The following CDC37L1 variants were observed in gnomAD, a reference collection of about 807,000 sequenced individuals.
The protein encoded by CDC37L1 is cell division cycle 37 like 1, HSP90 cochaperone.
Under a neutral mutation model 45.9 loss-of-function variants are expected in CDC37L1, and 32 were observed. That is an observed-to-expected ratio of 0.70 (90% CI 0.53 to 0.94). The LOEUF is 0.94. CDC37L1 is among the 40% of genes least tolerant of loss of function. The probability of loss-of-function intolerance (pLI) is 0.00; values close to 1 mark genes in which losing one functional copy is unlikely to be tolerated. For missense variants in CDC37L1, 434 were observed against 405.7 expected, an observed-to-expected ratio of 1.07 and a Z score of -0.60; for synonymous variants, 150 against 133.0, an observed-to-expected ratio of 1.13 and a Z score of -0.88.
In CDC37L1 at chr9:4,679,733, GC is replaced by G; in HGVS notation, c.-33del. On this transcript the variant is annotated 5_prime_UTR_variant, in exon 1 of 7. Transcript: ENST00000381854. ...GTCTGTTGGCAGTGGCAGTTGTAGG[GC>G]CAAGGGCGGTTGTAGGACCCGGAGC... is the stretch of plus-strand genomic sequence containing the variant. 6.3e-7 allele frequency: 1 copy of G among 1,595,792 alleles called. No individual in the cohort carries two copies. Among genetic ancestry groups the G allele is most frequent in the South Asian group, 1.1e-5 (1 of 89,480 alleles).
Position 4,679,762 on chromosome 9 carries a change from C to G in CDC37L1, c.-6C>G, listed in dbSNP as rs1841168571. 6.2e-7 allele frequency: 1 copy of G among 1,609,890 alleles called. No homozygotes were observed. Among genetic ancestry groups the G allele is most frequent in the Non-Finnish European group, 8.5e-7 (1 of 1,177,776 alleles). On this transcript the variant is annotated 5_prime_UTR_variant, in exon 1 of 7. Coordinates refer to ENST00000381854, the MANE Select transcript of CDC37L1 (RefSeq NM_017913.4). ...AGGGCGGTTGTAGGACCCGGAGCAG[C>G]CGGACATGGAACAACCGTGGCCGCC...
chr9:4,703,357 A>G (rs1474812154), intron 6 of CDC37L1: 16 of 112,020 alleles, frequency 1.4e-4, no homozygotes, highest in African/African-American at 2.5e-4. Context: ...ACTCTGGCTG[A>G]AAAAAAAAAA....
rs973919480 is a variant in CDC37L1, at chr9:4,707,601, G to C, written c.*1489G>C. ...AACATCACAATCTTCCTGGTTTTCAGAATAAACGTTTTTGTGCTTTTGATA... is the reference window on the plus strand; with the variant it reads ...AACATCACAATCTTCCTGGTTTTCACAATAAACGTTTTTGTGCTTTTGATA... On this transcript the variant is annotated 3_prime_UTR_variant, in exon 7 of 7. Transcript: ENST00000381854. 1 of 151,850 alleles carries C rather than the reference G, an allele frequency of 6.6e-6. No individual in the cohort carries two copies. The highest frequency in any genetic ancestry group is 2.4e-5 in the African/African-American group (1 of 41,362). 9.4% of individuals were successfully genotyped at this position (151,850 alleles called of 1,614,324 possible).
At chr9:4,690,399 T>C (rs76591273) in intron 3 of CDC37L1, among the ~76,000 whole-genome samples, 7,494 of 152,226 alleles carry the variant, frequency 0.049, 269 homozygotes, top group Non-Finnish European at 0.076. Context: ...ATCTCTGCAG[T>C]GCATTGTGCC....
chr9:4,681,992 C>G lies in CDC37L1; in HGVS notation c.132+2093C>G, dbSNP rs368952194. Among the ~76,000 whole-genome samples the G allele has an allele frequency of 3.9e-5, 6 of 152,136 alleles. No individual in the cohort carries two copies. In the South Asian group the frequency reaches 6.2e-4, roughly 16 times the overall value. The stretch of plus-strand genomic sequence containing the variant: ...CTGAATACATGTTGGATAGTTTGCC[C>G]AAATGGCCAAATGTTGTCTGGGTAG... On this transcript the variant is annotated intron_variant, in intron 1 of 6. Transcript: ENST00000381854.
intron 1 of CDC37L1, among the ~76,000 whole-genome samples, chr9:4,684,579 T>G (rs1292535140): frequency 6.6e-6 from 1 of 152,178 alleles, no homozygotes; most frequent in Non-Finnish European, 1.5e-5. Context: ...TGTTCAGGAT[T>G]ATGAAGACTA....
At chr9:4,699,602 A>G (rs573194285) in intron 5 of CDC37L1, among the ~76,000 whole-genome samples, 7 of 152,182 alleles carry the variant, frequency 4.6e-5, no homozygotes, top group Non-Finnish European at 7.4e-5. Flanking sequence ...AGTGACAGGC[A>G]GAACTAAATA....
chr9:4,703,192 T>G (rs1211202361), intron 6 of CDC37L1: 9 of 1,357,982 alleles, frequency 6.6e-6, no homozygotes, highest in Non-Finnish European at 5.8e-6. Context: ...ATATTTAGTT[T>G]TAAACCTCAT....
At chr9:4,690,928 T>G (rs2130847478) in intron 3 of CDC37L1, among the ~76,000 whole-genome samples, 1 of 152,354 alleles carries the variant, frequency 6.6e-6, no homozygotes, top group East Asian at 1.9e-4. Flanking sequence ...CTGCAATTTC[T>G]GCTTTACCAA....
At chr9:4,686,192 A>C (rs899730457) in intron 2 of CDC37L1, among the ~76,000 whole-genome samples, 12 of 152,164 alleles carry the variant, frequency 7.9e-5, no homozygotes, top group African/African-American at 2.4e-4. Flanking sequence ...TCCTCTTGGC[A>C]TCTGCTTTCA....
intron 1 of CDC37L1, 79 bp downstream of exon 1, chr9:4,679,978 C>CTCT: frequency 6.5e-7 from 1 of 1,544,474 alleles, no homozygotes; most frequent in Non-Finnish European, 8.8e-7. Flanking sequence ...CTCCCAGACC[C>CTCT]TCTTCTACGC....
chr9:4,684,733 A>G (rs1654017756), intron 1 of CDC37L1, 144 bp from the exon 2 acceptor site: 3 of 577,898 alleles, frequency 5.2e-6, no homozygotes, highest in Non-Finnish European at 9.1e-6. Flanking sequence ...ACTAAGATAT[A>G]AAAACATGAC....
At chr9:4,696,704 C>T (rs1841350951) in intron 3 of CDC37L1, among the ~76,000 whole-genome samples, 1 of 152,236 alleles carries the variant, frequency 6.6e-6, no homozygotes, top group African/African-American at 2.4e-5. Context: ...TTCAAATATG[C>T]TTAACTAATT....
chr9:4,688,756 A>AG (rs1841274112), intron 3 of CDC37L1, 150 bp downstream of exon 3: 2 of 485,008 alleles, frequency 4.1e-6, no homozygotes, highest in African/African-American at 4.4e-5. Context: ...CTTGTTTTAG[A>AG]ATTTTTTTTT....
chr9:4,689,064 C>T (rs1018814605), intron 3 of CDC37L1, among the ~76,000 whole-genome samples: 11 of 151,978 alleles, frequency 7.2e-5, no homozygotes, highest in African/African-American at 2.7e-4. Flanking sequence ...ATATAAAGAA[C>T]TGAAAAATAG....
At chr9:4,691,164 T>G (rs956976279) in intron 3 of CDC37L1, among the ~76,000 whole-genome samples, 4 of 152,208 alleles carry the variant, frequency 2.6e-5, no homozygotes, top group African/African-American at 9.7e-5. Flanking sequence ...ATTTTGTTTT[T>G]TTGTTGTTGT....
rs1841167017 is a variant in CDC37L1, at chr9:4,679,673, T to C, written c.-95T>C. On this transcript the variant is annotated 5_prime_UTR_variant, in exon 1 of 7. Transcript: ENST00000381854. ...TAACGGCCCGGACCCCCGGCTGGGCTTCTGGCTCGGCGCAGCAGGTTCCAT... is the reference window on the plus strand; with the variant it reads ...TAACGGCCCGGACCCCCGGCTGGGCCTCTGGCTCGGCGCAGCAGGTTCCAT... 1.7e-6 allele frequency: 2 copies of C among 1,211,814 alleles called. No individual in the cohort carries two copies. Among genetic ancestry groups the C allele is most frequent in the African/African-American group, 1.5e-5 (1 of 65,362 alleles). The allele number at this position is 1,211,814 out of a possible 1,614,324, so 75.1% of individuals were successfully genotyped here. A position where few individuals can be genotyped will look rare whatever the true frequency, so the allele number is the denominator to read the frequency against.
intron 2 of CDC37L1, among the ~76,000 whole-genome samples, chr9:4,686,274 C>T (rs891173273): frequency 2.6e-5 from 4 of 152,206 alleles, no homozygotes; most frequent in African/African-American, 9.7e-5. Flanking sequence ...GTCAGTAACA[C>T]ACACAGATAA....
intron 6 of CDC37L1, among the ~76,000 whole-genome samples, chr9:4,705,055 A>C (rs998333936): frequency 6.6e-6 from 1 of 152,182 alleles, no homozygotes; most frequent in Non-Finnish European, 1.5e-5. Context: ...CTTTTAGAAT[A>C]AAGGAATCTC....
Sources: gnomAD v4.1 joint callset for allele counts (sites outside exome capture counted in the v4.1 genomes callset) on GRCh38, gnomAD v4.1.1 for gene constraint, MANE v1.5 for transcripts, NCBI Gene and HGNC (gene_info 2026-07-23, HGNC 2026-07-21) for gene names.